The following SFTPC variants were observed in gnomAD, a reference collection of about 807,000 sequenced individuals.
SFTPC encodes surfactant protein C.
Under a neutral mutation model 19.9 loss-of-function variants are expected in SFTPC, and 12 were observed. The ratio of observed to expected loss-of-function variants is 0.60; its 90% confidence interval spans 0.39 to 0.98. The LOEUF (loss-of-function observed/expected upper bound fraction) is 0.98, where lower values mean the gene tolerates loss of function less well. Among genes scored for constraint, SFTPC ranks in the 50% least tolerant of loss-of-function variants. The pLI, the probability that SFTPC is intolerant of heterozygous loss-of-function variation, is 0.00. For synonymous variants in SFTPC, 123 were observed against 103.3 expected (o/e 1.19, Z -1.16); for missense variants, 219 against 252.2 (o/e 0.87, Z 0.89).
chr8:22,161,969 T>C (rs1038184438), intron 1 of SFTPC, 99 bp downstream of exon 1: 66 of 1,220,576 alleles, frequency 5.4e-5, no homozygotes, highest in Non-Finnish European at 7.7e-5. Context: ...CTTATCCAGA[T>C]CCATTCACTC....
Position 22,163,561 on chromosome 8 carries a change from G to T in SFTPC, c.435+15G>T. 1 of 1,552,644 alleles carries T rather than the reference G, an allele frequency of 6.4e-7. No homozygotes were observed. The highest frequency in any genetic ancestry group is 2.2e-5 in the East Asian group (1 of 44,582). ...ACAACTTCCAGGTGTGTGTGTGTGG[G>T]TGAAAAGAGTGGGCTGTCTCCCTCC... is the stretch of plus-strand genomic sequence containing the variant. On this transcript the variant is annotated intron_variant, in intron 4 of 5. Transcript: ENST00000679463.
Position 22,164,056 on chromosome 8 carries a change from G to GC in SFTPC, c.*16dup. Reference sequence around the variant, plus strand: ...ACTACATCTAGGACGCCTCCGGTGAGCAGGTGTGATCCCAGGGCCCCTGAT... The same window carrying GC: ...ACTACATCTAGGACGCCTCCGGTGAGCCAGGTGTGATCCCAGGGCCCCTGAT... On this transcript the variant is annotated 3_prime_UTR_variant, in exon 5 of 6. Coordinates refer to ENST00000679463, the MANE Select transcript of SFTPC (RefSeq NM_001317778.2). 6.2e-7 allele frequency: 1 copy of GC among 1,611,784 alleles called. No homozygotes were observed. Among genetic ancestry groups the GC allele is most frequent in the Non-Finnish European group, 8.5e-7 (1 of 1,180,002 alleles).
upstream of SFTPC, chr8:22,161,761 A>G (rs567738879): frequency 9.9e-6 from 16 of 1,613,624 alleles, no homozygotes; most frequent in Non-Finnish European, 1.4e-5. Context: ...CCCTCTCCCT[A>G]CGGACACATA....
upstream of SFTPC, chr8:22,161,622 G>A (rs1827722031): frequency 1.3e-6 from 2 of 1,505,788 alleles, no homozygotes; most frequent in Admixed American, 2.1e-5. Context: ...TCATGTGCCA[G>A]GGCCAAGGGC....
upstream of SFTPC, among the ~76,000 whole-genome samples, chr8:22,161,246 T>C (rs1434113669): frequency 6.6e-6 from 1 of 151,928 alleles, no homozygotes; most frequent in Non-Finnish European, 1.5e-5. Context: ...AGGGAAAGAG[T>C]ACTTGAAGTT....
At chr8:22,158,059 G>A (rs944470105), upstream of SFTPC, among the ~76,000 whole-genome samples, 2 of 152,202 alleles carry the variant, frequency 1.3e-5, no homozygotes, top group African/African-American at 2.4e-5. Flanking sequence ...CTGTGGCGGA[G>A]GATGACTGTC....
upstream of SFTPC, chr8:22,159,866 C>A: frequency 3.1e-6 from 4 of 1,287,186 alleles, no homozygotes; most frequent in Non-Finnish European, 4.1e-6. Context: ...GTGAGTCAGC[C>A]GATCAATCCC....
chr8:22,161,227 G>A (rs1209437071), upstream of SFTPC, among the ~76,000 whole-genome samples: 2 of 152,188 alleles, frequency 1.3e-5, no homozygotes, highest in Non-Finnish European at 2.9e-5. Context: ...TGTGGGAGGA[G>A]GCAAGGTAAG....
At chr8:22,159,792 G>C, upstream of SFTPC, 2 of 1,289,360 alleles carry the variant, frequency 1.6e-6, no homozygotes, top group South Asian at 2.5e-5. Context: ...CAGGGACCCC[G>C]AGATGCCTGC....
chr8:22,161,296 C>G (rs1332584898), upstream of SFTPC, among the ~76,000 whole-genome samples: 2 of 152,130 alleles, frequency 1.3e-5, no homozygotes, highest in African/African-American at 4.8e-5. Flanking sequence ...TTATGAAACC[C>G]CGAAAACTGA....
upstream of SFTPC, chr8:22,157,437 C>G (rs377749199): frequency 5.8e-6 from 1 of 171,156 alleles, no homozygotes; most frequent in African/African-American, 2.4e-5. Flanking sequence ...AGCTTGCTAT[C>G]GCAAGTGCTC....
chr8:22,157,707 A>G (rs1244950845), upstream of SFTPC: 1 of 152,236 alleles, frequency 6.6e-6, no homozygotes, highest in Non-Finnish European at 1.5e-5. Flanking sequence ...TTGTTAAGAC[A>G]TGATTTGCCC....
rs545131719 is a variant in SFTPC at position 22,161,931 on chromosome 8, G to A, written c.42+61G>A. Reference sequence around the variant, plus strand: ...CGCGCACATGTGTGTGATGGGCCCTGCCTCCTCTATCCTCCCTGGCCTGTT... The same window carrying A: ...CGCGCACATGTGTGTGATGGGCCCTACCTCCTCTATCCTCCCTGGCCTGTT... On this transcript the variant is annotated intron_variant, in intron 1 of 5. Transcript: ENST00000679463. 8.0e-6 allele frequency: 12 copies of A among 1,499,996 alleles called. No individual in the cohort carries two copies. The African/African-American group carries it at 1.7e-4, about 21-fold the overall frequency. The allele number at this position is 1,499,996 out of a possible 1,614,324, so 92.9% of individuals were successfully genotyped here.
chr8:22,158,213 A>AG (rs1416790435), upstream of SFTPC, among the ~76,000 whole-genome samples: 1 of 152,246 alleles, frequency 6.6e-6, no homozygotes. Context: ...CTCTGCCAGC[A>AG]GGGGATTCTC....
chr8:22,163,073 TC>T lies in SFTPC; in HGVS notation c.202-3del, dbSNP rs1359655475. On this transcript the variant is annotated splice_region_variant and splice_polypyrimidine_tract_variant and intron_variant, in intron 2 of 5. Transcript: ENST00000679463. Reference sequence around the variant, plus strand: ...GAAGACCAGGTGGCTCCATGCCCTTTCCCCAGGTTCTGGAGATGAGCATTGG... The same window carrying T: ...GAAGACCAGGTGGCTCCATGCCCTTTCCCAGGTTCTGGAGATGAGCATTGG... 6.2e-7 allele frequency: 1 copy of T among 1,613,822 alleles called. No individual in the cohort carries two copies. The highest frequency in any genetic ancestry group is 8.5e-7 in the Non-Finnish European group (1 of 1,179,926).
intron 1 of SFTPC, 77 bp from the exon 2 acceptor site, chr8:22,162,497 T>G (rs1586419494): frequency 3.9e-6 from 6 of 1,521,970 alleles, no homozygotes. Flanking sequence ...CGTGGGAGGG[T>G]GTTCAGCTTG....
upstream of SFTPC, chr8:22,159,014 G>A (rs533640256): frequency 6.6e-6 from 1 of 152,386 alleles, no homozygotes; most frequent in South Asian, 2.1e-4. Flanking sequence ...TGAATGGCAG[G>A]TGAAGGTGCC....
At chr8:22,164,108 C>T in intron 5 of SFTPC, 49 bp downstream of exon 5, 19 of 1,608,698 alleles carry the variant, frequency 1.2e-5, no homozygotes, top group Non-Finnish European at 1.6e-5. Context: ...CTCGGGCCAC[C>T]TGCCCGGGCT....
At chr8:22,157,432 G>T (rs1399222400), upstream of SFTPC, 1 of 172,570 alleles carries the variant, frequency 5.8e-6, no homozygotes, top group Non-Finnish European at 1.3e-5. Context: ...CCCTAAGCTT[G>T]CTATCGCAAG....
Sources: allele counts gnomAD v4.1 joint callset (sites outside exome capture counted in the v4.1 genomes callset), GRCh38; gene constraint gnomAD v4.1.1; transcripts MANE v1.5; gene names NCBI Gene and HGNC (gene_info 2026-07-23, HGNC 2026-07-21).